CREB5: variants seen among roughly 807,000 people sequenced by gnomAD.
CREB5 encodes cAMP responsive element binding protein 5, also known as cyclic AMP-responsive element-binding protein 5.
CREB5 carries 19 observed loss-of-function variants against 57.1 expected under a neutral mutation model. The ratio of observed to expected loss-of-function variants is 0.33; its 90% CI spans 0.23 to 0.49. The LOEUF (loss-of-function observed/expected upper bound fraction) is 0.49, where lower values mean the gene tolerates loss of function less well. Ranked by LOEUF, CREB5 falls within the 20% of genes least tolerant of loss-of-function variation. CREB5 has a pLI of 0.99. For missense variants in CREB5, 579 were observed against 671.6 expected, an observed-to-expected ratio of 0.86 and a Z score of 1.52; for synonymous variants, 238 against 238.3, an observed-to-expected ratio of 1.00 and a Z score of 0.01.
chr7:28,710,907 A>G (rs969439530), intron 5 of CREB5, among the ~76,000 whole-genome samples: 1 of 152,152 alleles, frequency 6.6e-6, no homozygotes, highest in Non-Finnish European at 1.5e-5. Context: ...GGGTATACTG[A>G]GAGCACTCGA....
At chr7:28,589,102 C>T (rs1023144872) in intron 5 of CREB5, among the ~76,000 whole-genome samples, 8 of 152,132 alleles carry the variant, frequency 5.3e-5, no homozygotes, top group African/African-American at 1.7e-4. Context: ...ATTGTATATT[C>T]GCCACCTAAC....
chr7:28,804,575 C>A (rs2128800928), intron 8 of CREB5, 53 bp downstream of exon 8: 1 of 1,578,982 alleles, frequency 6.3e-7, no homozygotes. Context: ...CTTAACAGTG[C>A]AAGCTCTAAT....
At chr7:28,750,523 C>A (rs566233318) in intron 7 of CREB5, among the ~76,000 whole-genome samples, 3 of 152,248 alleles carry the variant, frequency 2.0e-5, no homozygotes, top group African/African-American at 7.2e-5. Flanking sequence ...ATATACAAAT[C>A]ATTTTTAACC....
chr7:28,392,131 C>T (rs1290081963), intron 1 of CREB5, among the ~76,000 whole-genome samples: 6 of 151,894 alleles, frequency 4.0e-5, no homozygotes, highest in Non-Finnish European at 5.9e-5. Flanking sequence ...TGAGGGTGGA[C>T]GGAGGGAGGA....
intron 6 of CREB5, among the ~76,000 whole-genome samples, chr7:28,719,734 C>T (rs1802911299): frequency 6.6e-6 from 1 of 152,126 alleles, no homozygotes; most frequent in Non-Finnish European, 1.5e-5. Flanking sequence ...TCTGAGTCTC[C>T]ACTCATAATC....
intron 9 of CREB5, among the ~76,000 whole-genome samples, chr7:28,817,539 C>A (rs1219652089): frequency 1.3e-5 from 2 of 152,206 alleles, no homozygotes; most frequent in African/African-American, 4.8e-5. Context: ...CATAATTCTG[C>A]CCAATGTGCG....
At chr7:28,668,601 T>C (rs1799917903) in intron 5 of CREB5, among the ~76,000 whole-genome samples, 1 of 152,210 alleles carries the variant, frequency 6.6e-6, no homozygotes, top group South Asian at 2.1e-4. Flanking sequence ...GAAGGAAGTA[T>C]GTACAAAAAC....
chr7:28,776,939 T>C (rs925830393), intron 7 of CREB5, among the ~76,000 whole-genome samples: 2 of 152,240 alleles, frequency 1.3e-5, no homozygotes, highest in African/African-American at 4.8e-5. Flanking sequence ...TATTCACCCA[T>C]TCATCAATTA....
chr7:28,327,148 CA>C lies in CREB5; in HGVS notation c.-25+27727del, dbSNP rs751999998. On this transcript the variant is annotated intron_variant, in intron 1 of 9. Transcript: ENST00000396299. ...TGGGCGACAGGGTGAGACTCCATCT[CA>C]AAAAAAAAAAAAAAAAAAAGGAAAC... Among the ~76,000 whole-genome samples the C allele has an allele frequency of 3.1e-3, 218 of 69,208 alleles. 1 individual carries two copies. The highest frequency in any genetic ancestry group is 9.4e-3 in the East Asian group (17 of 1,800). The allele number at this position is 69,208 out of a possible 152,430, so 45.4% of individuals were successfully genotyped here. A position where few individuals can be genotyped will look rare whatever the true frequency, so the allele number is the denominator to read the frequency against.
At chr7:28,568,531 G>A (rs73687608) in intron 4 of CREB5, among the ~76,000 whole-genome samples, 5 of 152,088 alleles carry the variant, frequency 3.3e-5, no homozygotes, top group African/African-American at 4.8e-5. Context: ...ATAAAAAAAC[G>A]AAAGTGTGTT....
chr7:28,518,087 CCT>C (rs1469437975), intron 4 of CREB5, among the ~76,000 whole-genome samples: 4 of 152,100 alleles, frequency 2.6e-5, no homozygotes, highest in Admixed American at 2.6e-4. Context: ...GCTTCCCAGT[CCT>C]CTCTGTAAAA....
At chr7:28,803,743 A>C (rs1223786108) in intron 7 of CREB5, among the ~76,000 whole-genome samples, 1 of 139,562 alleles carries the variant, frequency 7.2e-6, no homozygotes. Flanking sequence ...GTGACAGAGC[A>C]AGACTCCATC....
upstream of CREB5, among the ~76,000 whole-genome samples, chr7:28,407,753 A>G (rs1398257241): frequency 6.6e-6 from 1 of 152,176 alleles, no homozygotes; most frequent in Non-Finnish European, 1.5e-5. Flanking sequence ...GGCCACTTAA[A>G]CACTTAAAAA....
chr7:28,510,395 C>T (rs572339897), intron 4 of CREB5, among the ~76,000 whole-genome samples: 1 of 152,186 alleles, frequency 6.6e-6, no homozygotes, highest in East Asian at 1.9e-4. Context: ...CATTGGTTCC[C>T]TCATTAGGTT....
chr7:28,703,812 C>T (rs568003728), intron 5 of CREB5, among the ~76,000 whole-genome samples: 1 of 152,206 alleles, frequency 6.6e-6, no homozygotes, highest in Non-Finnish European at 1.5e-5. Context: ...TAATCCCTTC[C>T]AGAAACAACC....
intron 1 of CREB5, among the ~76,000 whole-genome samples, chr7:28,352,928 C>T (rs1307882786): frequency 1.1e-4 from 16 of 152,186 alleles, no homozygotes; most frequent in Admixed American, 6.5e-5. Context: ...GTGTTCTCAT[C>T]CACTGCACAA....
At chr7:28,494,597 G>A (rs759705811) in intron 2 of CREB5, among the ~76,000 whole-genome samples, 2 of 152,212 alleles carry the variant, frequency 1.3e-5, no homozygotes, top group Admixed American at 1.3e-4. Flanking sequence ...AAAATTTTCT[G>A]CTTATTATCA....
At chr7:28,649,604 A>G (rs893766883) in intron 5 of CREB5, among the ~76,000 whole-genome samples, 8 of 152,222 alleles carry the variant, frequency 5.3e-5, no homozygotes, top group South Asian at 2.1e-4. Flanking sequence ...CCCGCTTGGA[A>G]TGTATTTGAT....
At chr7:28,486,692 A>G (rs1287418307) in intron 1 of CREB5, among the ~76,000 whole-genome samples, 1 of 138,564 alleles carries the variant, frequency 7.2e-6, no homozygotes, top group East Asian at 2.1e-4. Context: ...ATATATATAT[A>G]TGTTACTGTG....
Sources: gnomAD v4.1 joint callset for allele counts (sites outside exome capture counted in the v4.1 genomes callset) on GRCh38, gnomAD v4.1.1 for gene constraint, MANE v1.5 for transcripts, NCBI Gene and HGNC (gene_info 2026-07-23, HGNC 2026-07-21) for gene names.